Variants in PLPP3 observed in about 807,000 individuals in gnomAD.
PLPP3 encodes the protein phospholipid phosphatase 3.
A neutral mutation model predicts 29.6 loss-of-function variants in PLPP3; 6 were observed. The observed-to-expected ratio is 0.20, with a 90% CI of 0.11 to 0.40. PLPP3 has a LOEUF of 0.40. Among genes scored for constraint, PLPP3 ranks in the 10% least tolerant of loss-of-function variants. The pLI is 1.00. For missense variants in PLPP3, 308 were observed against 407.7 expected (o/e 0.76, Z 2.11); for synonymous variants, 152 against 159.7 (o/e 0.95, Z 0.36).
intron 2 of PLPP3, among the ~76,000 whole-genome samples, chr1:56,529,427 C>T (rs114850869): frequency 6.4e-4 from 98 of 152,262 alleles, no homozygotes; most frequent in African/African-American, 2.3e-3. Context: ...TCCTGCTAGC[C>T]ACAGAGGGTC....
Position 56,495,700 on chromosome 1 carries a change from C to T in PLPP3, c.*851G>A, listed in dbSNP as rs1645627076. 1 of 152,672 alleles carries T rather than the reference C, an allele frequency of 6.5e-6. No individual in the cohort carries two copies. Among genetic ancestry groups the T allele is most frequent in the Non-Finnish European group, 1.5e-5 (1 of 68,052 alleles). The allele number at this position is 152,672 out of a possible 1,614,324, so 9.5% of individuals were successfully genotyped here. Reference sequence around the variant, plus strand: ...TCATTCCTGGGCCCTCACAGGAAATCCTGGTGGGCACGCAGCAAGGATTTC... The same window carrying T: ...TCATTCCTGGGCCCTCACAGGAAATTCTGGTGGGCACGCAGCAAGGATTTC... On this transcript the variant is annotated 3_prime_UTR_variant, in exon 6 of 6. Coordinates refer to ENST00000371250, the MANE Select transcript of PLPP3 (RefSeq NM_003713.5).
At chr1:56,571,177 C>T (rs1385391856) in intron 1 of PLPP3, among the ~76,000 whole-genome samples, 1 of 152,200 alleles carries the variant, frequency 6.6e-6, no homozygotes, top group Non-Finnish European at 1.5e-5. Flanking sequence ...TGTCACTGGA[C>T]AATTACTAAC....
intron 2 of PLPP3, among the ~76,000 whole-genome samples, chr1:56,533,871 T>C (rs148954234): frequency 6.6e-6 from 1 of 152,256 alleles, no homozygotes; most frequent in African/African-American, 2.4e-5. Flanking sequence ...CTAAGTCAGA[T>C]GATGCCTAAG....
At position 56,558,793 on chromosome 1, in the gene PLPP3, A is replaced by G. The variant is rs184832768; in HGVS notation, c.139+20085T>C. Among the ~76,000 whole-genome samples, 30 of 152,278 alleles carry G rather than the reference A, an allele frequency of 2.0e-4. 2 individuals are homozygous for G. The South Asian group carries it at 2.9e-3, about 15-fold the overall frequency. The stretch of plus-strand genomic sequence containing the variant: ...CATATCCTCTTTCCACTGTGTTCCA[A>G]TGTCTCCTAAACTTCAAAACTTTGA... On this transcript the variant is annotated intron_variant, in intron 1 of 5. Coordinates refer to ENST00000371250, the MANE Select transcript of PLPP3 (RefSeq NM_003713.5).
chr1:56,511,883 G>C (rs539944359), intron 5 of PLPP3, 93 bp downstream of exon 5: 1 of 1,496,554 alleles, frequency 6.7e-7, no homozygotes, highest in African/African-American at 1.4e-5. Context: ...GGACAGGAAC[G>C]AGGGCTCTCT....
At chr1:56,578,788 G>A in intron 1 of PLPP3, 90 bp downstream of exon 1, 2 of 1,239,328 alleles carry the variant, frequency 1.6e-6, no homozygotes, top group Non-Finnish European at 2.0e-6. Context: ...GGCGCGGCGC[G>A]GCGCGGCGCT....
At chr1:56,497,934 G>A (rs1645640613) in intron 5 of PLPP3, among the ~76,000 whole-genome samples, 1 of 152,114 alleles carries the variant, frequency 6.6e-6, no homozygotes, top group Non-Finnish European at 1.5e-5. Flanking sequence ...TGGCTAGAAG[G>A]CAAAGGTGAA....
At chr1:56,539,961 T>C (rs1645957179) in intron 1 of PLPP3, among the ~76,000 whole-genome samples, 1 of 152,142 alleles carries the variant, frequency 6.6e-6, no homozygotes. Flanking sequence ...CCAAGTTCCT[T>C]ACATTTGCAC....
intron 1 of PLPP3, among the ~76,000 whole-genome samples, chr1:56,555,986 A>C (rs1372714498): frequency 1.3e-5 from 2 of 152,224 alleles, no homozygotes; most frequent in African/African-American, 4.8e-5. Context: ...CCTGGTTCAC[A>C]GTATTTTCTA....
At chr1:56,550,585 GAGGA>G (rs1236118149) in intron 1 of PLPP3, among the ~76,000 whole-genome samples, 3 of 152,106 alleles carry the variant, frequency 2.0e-5, no homozygotes, top group Non-Finnish European at 4.4e-5. Flanking sequence ...AGGCAGAGGG[GAGGA>G]AGAGGGTTGC....
chr1:56,497,721 G>T (rs1360206256), intron 5 of PLPP3, among the ~76,000 whole-genome samples: 6 of 152,134 alleles, frequency 3.9e-5, no homozygotes, highest in African/African-American at 1.4e-4. Context: ...CCACATTATA[G>T]GCAAGAAAAT....
At chr1:56,545,302 G>A (rs565464821) in intron 1 of PLPP3, among the ~76,000 whole-genome samples, 7 of 152,260 alleles carry the variant, frequency 4.6e-5, no homozygotes, top group African/African-American at 1.7e-4. Context: ...AATTCCCAAT[G>A]TACAGAGTTG....
At chr1:56,549,836 G>A (rs11206839) in intron 1 of PLPP3, among the ~76,000 whole-genome samples, 22,284 of 152,212 alleles carry the variant, frequency 0.15, 2,873 homozygotes, top group East Asian at 0.49. Flanking sequence ...CTCTGCTGAA[G>A]TAGTAGGCAT....
rs1275318327 is a variant in PLPP3 at position 56,495,043 on chromosome 1, T to C, written c.*1508A>G. The stretch of plus-strand genomic sequence containing the variant: ...AAGCAGCTAATGTAAATAACACAGG[T>C]CGAGACACAGTTTATAATCATAGTG... On this transcript the variant is annotated 3_prime_UTR_variant, in exon 6 of 6. Coordinates refer to ENST00000371250, the MANE Select transcript of PLPP3 (RefSeq NM_003713.5). The C allele has an allele frequency of 6.6e-6, 1 of 152,602 alleles. No homozygotes were observed. Among genetic ancestry groups the C allele is most frequent in the East Asian group, 1.9e-4 (1 of 5,194 alleles). The allele number at this position is 152,602 out of a possible 1,614,324, so 9.5% of individuals were successfully genotyped here.
intron 5 of PLPP3, 72 bp downstream of exon 5, chr1:56,511,904 A>G (rs1645743428): frequency 3.8e-6 from 6 of 1,571,874 alleles, no homozygotes; most frequent in Non-Finnish European, 5.2e-6. Context: ...AGCTTTAGTC[A>G]CTGAGCTGGA....
intron 2 of PLPP3, among the ~76,000 whole-genome samples, chr1:56,526,185 G>A (rs1370787728): frequency 2.6e-5 from 4 of 152,194 alleles, no homozygotes; most frequent in African/African-American, 4.8e-5. Flanking sequence ...CTGCATAGAT[G>A]CTCAAAGACT....
intron 2 of PLPP3, among the ~76,000 whole-genome samples, chr1:56,529,211 C>G (rs1056197771): frequency 3.3e-5 from 5 of 151,968 alleles, no homozygotes; most frequent in African/African-American, 4.8e-5. Context: ...GGCAGTGAAT[C>G]ACTCTGATAA....
intron 4 of PLPP3, among the ~76,000 whole-genome samples, chr1:56,523,134 A>AT (rs1298241889): frequency 6.6e-6 from 1 of 152,176 alleles, no homozygotes; most frequent in Non-Finnish European, 1.5e-5. Flanking sequence ...TGGGGCATGG[A>AT]TTTTATACTT....
chr1:56,514,743 C>CAA (rs1645769734), intron 4 of PLPP3, among the ~76,000 whole-genome samples: 1 of 152,068 alleles, frequency 6.6e-6, no homozygotes, highest in African/African-American at 2.4e-5. Context: ...TTACTGTAAG[C>CAA]AATGGTGAAA....
Sources: gnomAD v4.1 joint callset for allele counts (sites outside exome capture counted in the v4.1 genomes callset) on GRCh38, gnomAD v4.1.1 for gene constraint, MANE v1.5 for transcripts, NCBI Gene and HGNC (gene_info 2026-07-23, HGNC 2026-07-21) for gene names.